ATP8B1: variants seen among roughly 807,000 people sequenced by gnomAD.
ATP8B1 encodes ATPase phospholipid transporting 8B1.
Under a neutral mutation model 149.9 loss-of-function variants are expected in ATP8B1, and 80 were observed. The ratio of observed to expected loss-of-function variants is 0.53; its 90% CI spans 0.45 to 0.64. The LOEUF (loss-of-function observed/expected upper bound fraction) is 0.64. ATP8B1 is among the 30% of genes least tolerant of loss of function. ATP8B1 has a pLI of 0.00. For missense variants in ATP8B1, 1,247 were observed against 1,552.6 expected (o/e 0.80, Z 3.31); for synonymous variants, 536 against 562.8 (o/e 0.95, Z 0.67).
intron 1 of ATP8B1, among the ~76,000 whole-genome samples, chr18:57,779,822 TG>T (rs1278629894): frequency 1.1e-4 from 16 of 147,292 alleles, no homozygotes. Flanking sequence ...GCTTGAAAAC[TG>T]GAAGACAGAG....
chr18:57,667,169 T>C lies in ATP8B1; in HGVS notation c.2210-2A>G. ...CAAATCCTATATTTTCAGCAGTTTC[T>C]ACAATAGAATAAAATTAAGTCAAAT... On this transcript the variant is annotated splice_acceptor_variant, in intron 19 of 27. Transcript: ENST00000648908. LOFTEE classifies it high-confidence loss of function. The C allele has an allele frequency of 6.2e-7, 1 of 1,604,202 alleles. No individual in the cohort carries two copies. Among genetic ancestry groups the C allele is most frequent in the Non-Finnish European group, 8.5e-7 (1 of 1,171,008 alleles).
intron 1 of ATP8B1, among the ~76,000 whole-genome samples, chr18:57,740,195 A>G (rs1468902824): frequency 6.6e-6 from 1 of 151,850 alleles, no homozygotes; most frequent in Non-Finnish European, 1.5e-5. Flanking sequence ...GGTTAAAGCA[A>G]TTATCCTGTC....
In ATP8B1 at chr18:57,769,657, A is replaced by G. The variant is rs143612160; in HGVS notation, c.-26+33341T>C. 7.9e-4 allele frequency among the ~76,000 whole-genome samples: 121 copies of G among 152,362 alleles called. 1 individual carries two copies. The highest frequency in any genetic ancestry group is 2.9e-3 in the African/African-American group (119 of 41,584). On this transcript the variant is annotated intron_variant, in intron 1 of 27. Transcript: ENST00000648908. The stretch of plus-strand genomic sequence containing the variant: ...CATCGGACTATCTCAAATGGCAAGA[A>G]ACGGCCAAAGATGACTCCAGAGTAG...
chr18:57,700,984 T>C (rs1913088185), intron 6 of ATP8B1, 55 bp downstream of exon 6: 5 of 1,487,502 alleles, frequency 3.4e-6, no homozygotes, highest in Admixed American at 1.7e-5. Flanking sequence ...AATGTGTTTC[T>C]AGGCAGAGTT....
intron 1 of ATP8B1, among the ~76,000 whole-genome samples, chr18:57,744,421 G>A (rs1167042918): frequency 6.6e-6 from 1 of 151,394 alleles, no homozygotes; most frequent in African/African-American, 2.4e-5. Flanking sequence ...TCTAGAAAAT[G>A]AAGGAAAAAA....
At chr18:57,770,833 G>A (rs1343914801) in intron 1 of ATP8B1, among the ~76,000 whole-genome samples, 1 of 152,240 alleles carries the variant, frequency 6.6e-6, no homozygotes, top group Non-Finnish European at 1.5e-5. Context: ...ACGAGTTAAA[G>A]TCACCGTTCT....
At chr18:57,780,018 G>A (rs955420511) in intron 1 of ATP8B1, among the ~76,000 whole-genome samples, 2 of 152,102 alleles carry the variant, frequency 1.3e-5, no homozygotes, top group African/African-American at 4.8e-5. Flanking sequence ...GCATATAAAT[G>A]TTAGAGCTTA....
chr18:57,663,666 C>T lies in ATP8B1; in HGVS notation c.2286-1051G>A, dbSNP rs556952575. On this transcript the variant is annotated intron_variant, in intron 20 of 27. Coordinates refer to ENST00000648908, the MANE Select transcript of ATP8B1 (RefSeq NM_001374385.1). ...TCTTGCTTTGGTTTTGATTTATCTT[C>T]CCCTAATGATTAGTGATGATGAGCC... is the stretch of plus-strand genomic sequence containing the variant. 2.0e-5 allele frequency among the ~76,000 whole-genome samples: 3 copies of T among 151,948 alleles called. No individual in the cohort carries two copies. In the South Asian group the frequency reaches 6.2e-4, roughly 31 times the overall value.
intron 2 of ATP8B1, among the ~76,000 whole-genome samples, chr18:57,718,492 C>A (rs2079606755): frequency 6.6e-6 from 1 of 152,092 alleles, no homozygotes. Flanking sequence ...GGAAATACTT[C>A]CAAACTCATT....
intron 1 of ATP8B1, among the ~76,000 whole-genome samples, chr18:57,794,694 A>G (rs896669815): frequency 1.3e-5 from 2 of 152,086 alleles, no homozygotes; most frequent in African/African-American, 4.8e-5. Context: ...CTGAGGCAGG[A>G]GAATCACTTG....
chr18:57,663,761 ATTTTTTTTTTTTTTTT>A (rs10598900), intron 20 of ATP8B1, among the ~76,000 whole-genome samples: 2 of 97,448 alleles, frequency 2.1e-5, no homozygotes, highest in South Asian at 6.8e-4. Context: ...TGCTTTGCCC[ATTTTTTTTTTTTTTTT>A]TTTTTTTTGA....
intron 1 of ATP8B1, among the ~76,000 whole-genome samples, chr18:57,794,810 AAGAAAG>A (rs1435714348): frequency 2.0e-5 from 3 of 151,442 alleles, no homozygotes; most frequent in Admixed American, 1.3e-4. Flanking sequence ...GAAAGAAAGA[AAGAAAG>A]AAAGAAAGAA....
chr18:57,712,385 G>A (rs551340010), intron 2 of ATP8B1, among the ~76,000 whole-genome samples: 125 of 152,252 alleles, frequency 8.2e-4, no homozygotes, highest in African/African-American at 2.5e-3. Context: ...ACTCAGTGCT[G>A]CCCTGTTACA....
At position 57,691,883 on chromosome 18, in the gene ATP8B1, A is replaced by G; in HGVS notation, c.1144T>C (p.Ser382Pro). ...CAGAAAATGAGGAATCCACGGTAGG[A>G]GGGTGTATCGTCTTCTCCATCATAG... ...YLYDGEDDTP[S>P]YRGFLIFWGY... Residue 382 changes from serine (S) to proline (P), a missense_variant, in exon 12 of 28, where the codon TCC (serine) becomes CCC (proline). This residue lies in a region of ATP8B1 where 853 missense variants were observed against 1,035.7 expected (regional missense o/e 0.82). Coordinates refer to ENST00000648908, the MANE Select transcript of ATP8B1 (RefSeq NM_001374385.1). 6.2e-7 allele frequency: 1 copy of G among 1,614,174 alleles called. No individual in the cohort carries two copies. Among genetic ancestry groups the G allele is most frequent in the Non-Finnish European group, 8.5e-7 (1 of 1,180,014 alleles).
intron 2 of ATP8B1, among the ~76,000 whole-genome samples, chr18:57,708,157 CAAAAAAAAAA>C (rs36027330): frequency 1.5e-5 from 1 of 67,076 alleles, no homozygotes; most frequent in African/African-American, 5.7e-5. Context: ...AACTCTGTCT[CAAAAAAAAAA>C]AAAAAAAAAA....
At chr18:57,724,208 A>AGG (rs2079680661) in intron 2 of ATP8B1, among the ~76,000 whole-genome samples, 20 of 147,514 alleles carry the variant, frequency 1.4e-4, no homozygotes, top group Admixed American at 1.1e-3. Context: ...TTCATGTCCA[A>AGG]AACACCAAAA....
chr18:57,742,158 C>T (rs2079920859), intron 1 of ATP8B1, among the ~76,000 whole-genome samples: 1 of 152,160 alleles, frequency 6.6e-6, no homozygotes, highest in South Asian at 2.1e-4. Flanking sequence ...GCATGAGCCA[C>T]CACGCCTGGC....
chr18:57,765,859 C>G (rs888710623), intron 1 of ATP8B1, among the ~76,000 whole-genome samples: 1 of 151,188 alleles, frequency 6.6e-6, no homozygotes, highest in Admixed American at 6.6e-5. Context: ...GTAATCTCAG[C>G]TACTCAGGAG....
intron 1 of ATP8B1, among the ~76,000 whole-genome samples, chr18:57,747,168 C>T (rs1224082431): frequency 6.6e-6 from 1 of 152,046 alleles, no homozygotes; most frequent in Non-Finnish European, 1.5e-5. Context: ...AGTCAGTGGC[C>T]CAGGCCGGGC....
Sources: allele counts gnomAD v4.1 joint callset (sites outside exome capture counted in the v4.1 genomes callset), GRCh38; gene constraint gnomAD v4.1.1; regional missense constraint gnomAD v4.1.1; transcripts MANE v1.5; gene names NCBI Gene and HGNC (gene_info 2026-07-23, HGNC 2026-07-21).